The following MAML3 variants were observed in gnomAD, a reference collection of about 807,000 sequenced individuals.
The protein encoded by MAML3 is mastermind-like protein 3.
Under a neutral mutation model 101.9 loss-of-function variants are expected in MAML3, and 27 were observed. The observed-to-expected ratio is 0.27, with a 90% CI of 0.20 to 0.37. MAML3 has a LOEUF of 0.37. MAML3 is among the 10% of genes least tolerant of loss of function. The pLI is 1.00. For missense variants in MAML3, 1,316 were observed against 1,444.9 expected, an observed-to-expected ratio of 0.91 and a Z score of 1.45; for synonymous variants, 501 against 555.9, an observed-to-expected ratio of 0.90 and a Z score of 1.39.
chr4:139,858,811 A>T (rs1578633883), intron 2 of MAML3, among the ~76,000 whole-genome samples: 1 of 152,316 alleles, frequency 6.6e-6, no homozygotes, highest in African/African-American at 2.4e-5. Context: ...CATCCAGGAT[A>T]CAATGCCTTC....
intron 1 of MAML3, among the ~76,000 whole-genome samples, chr4:140,099,221 G>A (rs1350194185): frequency 1.4e-5 from 2 of 138,148 alleles, no homozygotes; most frequent in African/African-American, 5.6e-5. Flanking sequence ...GTTCACATTG[G>A]AAGTATATCA....
At chr4:139,971,449 T>G (rs1282146460) in intron 1 of MAML3, among the ~76,000 whole-genome samples, 1 of 152,210 alleles carries the variant, frequency 6.6e-6, no homozygotes, top group Non-Finnish European at 1.5e-5. Context: ...CAACAGAACC[T>G]TAGAGAATAA....
chr4:139,829,259 A>G (rs1375869470), intron 2 of MAML3, among the ~76,000 whole-genome samples: 1 of 152,094 alleles, frequency 6.6e-6, no homozygotes, highest in African/African-American at 2.4e-5. Context: ...GGAAAAAGAA[A>G]GGAAGAAAGA....
chr4:140,152,893 G>A lies in MAML3; in HGVS notation c.435C>T (p.Ala145=). The A allele has an allele frequency of 3.1e-6, 5 of 1,612,394 alleles. No homozygotes were observed. Among genetic ancestry groups the A allele is most frequent in the Non-Finnish European group, 4.2e-6 (5 of 1,179,710 alleles). Reference sequence around the variant, plus strand: ...GCGTGTGGTTCCTCTGCTCCGCCGAGGCAGCCTCCGCATCTTGCTGGGGTT... The same window carrying A: ...GCGTGTGGTTCCTCTGCTCCGCCGAAGCAGCCTCCGCATCTTGCTGGGGTT... The part of the protein sequence containing the change: ...PSKPQQDAEA[A]SAEQRNHTLI... The change falls in exon 1 of 5, where the codon GCC becomes GCT. Residue 145 remains alanine (A), a synonymous_variant. Coordinates refer to ENST00000509479, the MANE Select transcript of MAML3 (RefSeq NM_018717.5).
At chr4:139,906,594 C>A (rs61419683) in intron 1 of MAML3, among the ~76,000 whole-genome samples, 2,811 of 152,228 alleles carry the variant, frequency 0.018, 84 homozygotes, top group African/African-American at 0.063. Flanking sequence ...GTGCCTCATG[C>A]GATAAATCAC....
intron 2 of MAML3, among the ~76,000 whole-genome samples, chr4:139,876,921 G>T (rs1399927742): frequency 6.6e-6 from 1 of 152,216 alleles, no homozygotes; most frequent in Non-Finnish European, 1.5e-5. Context: ...GGCCTAGCAA[G>T]CCCATTAAAA....
At chr4:139,777,232 A>G (rs985542543) in intron 2 of MAML3, among the ~76,000 whole-genome samples, 1 of 152,194 alleles carries the variant, frequency 6.6e-6, no homozygotes, top group Non-Finnish European at 1.5e-5. Context: ...CTTAGACTTA[A>G]TATGTCCAAA....
chr4:139,800,529 A>G (rs1190850593), intron 2 of MAML3, among the ~76,000 whole-genome samples: 1 of 152,232 alleles, frequency 6.6e-6, no homozygotes, highest in Non-Finnish European at 1.5e-5. Context: ...AAAGTTTTAC[A>G]GAGCAGAGAG....
chr4:139,759,669 T>C (rs1161891407), intron 2 of MAML3, among the ~76,000 whole-genome samples: 1 of 152,228 alleles, frequency 6.6e-6, no homozygotes, highest in African/African-American at 2.4e-5. Context: ...CCTATTTTGA[T>C]TTTTCTATAA....
At chr4:139,766,178 G>A (rs562843658) in intron 2 of MAML3, among the ~76,000 whole-genome samples, 65 of 150,812 alleles carry the variant, frequency 4.3e-4, no homozygotes, top group African/African-American at 1.5e-3. Flanking sequence ...TCTTTTTGGG[G>A]GGTGGGGGTG....
intron 2 of MAML3, among the ~76,000 whole-genome samples, chr4:139,826,838 G>A (rs570843574): frequency 6.6e-6 from 1 of 152,080 alleles, no homozygotes; most frequent in Non-Finnish European, 1.5e-5. Flanking sequence ...ATCACACAAA[G>A]ATCCCTCTCC....
chr4:140,075,487 C>T (rs1727750313), intron 1 of MAML3, among the ~76,000 whole-genome samples: 2 of 152,096 alleles, frequency 1.3e-5, no homozygotes, highest in Admixed American at 1.3e-4. Flanking sequence ...TATGTATGTG[C>T]ACTTTATATA....
chr4:140,153,469 G>A lies in MAML3; in HGVS notation c.-142C>T, dbSNP rs1487511609. 19 of 978,642 alleles carry A rather than the reference G, an allele frequency of 1.9e-5. No individual in the cohort carries two copies. The East Asian group carries it at 2.6e-4, about 13-fold the overall frequency. The allele number at this position is 978,642 out of a possible 1,614,324, so 60.6% of individuals were successfully genotyped here. On this transcript the variant is annotated 5_prime_UTR_variant, in exon 1 of 5. Transcript: ENST00000509479. ...CATGGATGGAAACGGCGATCCCGAC[G>A]GGGCGAAAAAAACGGGGGGGGAGAT...
At position 139,812,888 on chromosome 4, in the gene MAML3, GAATA is replaced by G. The variant is rs1191048847; in HGVS notation, c.2079+76465_2079+76468del. ...GCCTCTAATATAAAATGCAGACTCC[GAATA>G]AATAAATACAGAGAAGAGAGAAAGT... On this transcript the variant is annotated intron_variant, in intron 2 of 4. Transcript: ENST00000509479. Among the ~76,000 whole-genome samples the G allele has an allele frequency of 2.1e-5, 3 of 141,326 alleles. No individual in the cohort carries two copies. The East Asian group carries it at 6.2e-4, about 29-fold the overall frequency. The allele number at this position is 141,326 out of a possible 152,430, so 92.7% of individuals were successfully genotyped here.
intron 1 of MAML3, among the ~76,000 whole-genome samples, chr4:139,985,687 A>G (rs1734526447): frequency 6.6e-6 from 1 of 152,172 alleles, no homozygotes; most frequent in African/African-American, 2.4e-5. Context: ...CTGTTTAGGG[A>G]TTGCCCTGTG....
At chr4:139,973,604 G>A (rs1252953181) in intron 1 of MAML3, among the ~76,000 whole-genome samples, 1 of 152,154 alleles carries the variant, frequency 6.6e-6, no homozygotes, top group Non-Finnish European at 1.5e-5. Context: ...TCAGGCCCCA[G>A]TCAGGATATT....
At chr4:139,784,977 A>G (rs1291243854) in intron 2 of MAML3, among the ~76,000 whole-genome samples, 1 of 152,250 alleles carries the variant, frequency 6.6e-6, no homozygotes, top group African/African-American at 2.4e-5. Context: ...GAAATCTCTG[A>G]ATGGTACTAT....
At chr4:139,863,832 G>GTTTTTTGTT (rs1731835009) in intron 2 of MAML3, among the ~76,000 whole-genome samples, 1 of 111,292 alleles carries the variant, frequency 9.0e-6, no homozygotes, top group South Asian at 3.8e-4. Context: ...CAGAACATGG[G>GTTTTTTGTT]TTTTTTTTTT....
At chr4:139,814,025 A>AACACAAACACAC (rs71584334) in intron 2 of MAML3, among the ~76,000 whole-genome samples, 42 of 145,138 alleles carry the variant, frequency 2.9e-4, no homozygotes, top group African/African-American at 1.1e-3. Context: ...CACAAACACA[A>AACACAAACACAC]ACACACACAC....
Sources: allele counts gnomAD v4.1 joint callset (sites outside exome capture counted in the v4.1 genomes callset), GRCh38; gene constraint gnomAD v4.1.1; transcripts MANE v1.5; gene names NCBI Gene and HGNC (gene_info 2026-07-23, HGNC 2026-07-21).